The following TECRL variants were observed in gnomAD, a reference collection of about 807,000 sequenced individuals.
TECRL encodes the protein trans-2,3-enoyl-CoA reductase-like.
TECRL carries 63 observed loss-of-function variants against 52.8 expected under a neutral mutation model. The observed-to-expected ratio is 1.19, with a 90% confidence interval of 0.97 to 1.47. TECRL has a LOEUF of 1.47. Ranked by LOEUF, TECRL falls within the 40% of genes most tolerant of loss-of-function variation. TECRL has a pLI of 0.00. For missense variants in TECRL, 482 were observed against 429.6 expected (o/e 1.12, Z -1.08); for synonymous variants, 164 against 141.9 (o/e 1.16, Z -1.10).
At chr4:64,376,144 A>G (rs1263691380) in intron 1 of TECRL, among the ~76,000 whole-genome samples, 2 of 151,894 alleles carry the variant, frequency 1.3e-5, no homozygotes, top group African/African-American at 4.8e-5. Context: ...ATTACATTTG[A>G]TGTTTTATTA....
At chr4:64,334,030 C>CAAAAAAAAAAAAAAAAAAAAA (rs4034910) in intron 2 of TECRL, among the ~76,000 whole-genome samples, 26 of 28,026 alleles carry the variant, frequency 9.3e-4, no homozygotes, top group Non-Finnish European at 1.4e-3. Flanking sequence ...GACTCCGTCT[C>CAAAAAAAAAAAAAAAAAAAAA]AAAAAAAAAA....
In TECRL at chr4:64,393,817, C is replaced by A. The variant is rs1008021873; in HGVS notation, c.234+15301G>T. On this transcript the variant is annotated intron_variant, in intron 1 of 11. Transcript: ENST00000381210. ...TTCAAGAAGGTCAGAGTCCCAGTTA[C>A]GATTACAATATTTTCTCTGAGTCTT... 2.0e-5 allele frequency among the ~76,000 whole-genome samples: 3 copies of A among 151,880 alleles called. No homozygotes were observed. In the East Asian group the frequency reaches 5.8e-4, roughly 29 times the overall value.
chr4:64,384,056 T>A (rs771844942), intron 1 of TECRL, among the ~76,000 whole-genome samples: 1 of 152,144 alleles, frequency 6.6e-6, no homozygotes, highest in Non-Finnish European at 1.5e-5. Context: ...GTGAAGGCTG[T>A]GGTGAGGCTT....
chr4:64,352,869 C>CT (rs1560522143), intron 2 of TECRL, among the ~76,000 whole-genome samples: 1 of 152,086 alleles, frequency 6.6e-6, no homozygotes, highest in Non-Finnish European at 1.5e-5. Context: ...GTTTTGACAA[C>CT]TTTTTTCTAA....
chr4:64,309,443 T>C (rs897957684), intron 6 of TECRL, among the ~76,000 whole-genome samples: 3 of 152,148 alleles, frequency 2.0e-5, no homozygotes, highest in African/African-American at 7.2e-5. Context: ...TATTGACAAC[T>C]GCCATAATAA....
At chr4:64,326,367 G>T (rs1157996389) in intron 3 of TECRL, among the ~76,000 whole-genome samples, 2 of 152,088 alleles carry the variant, frequency 1.3e-5, no homozygotes, top group Admixed American at 1.3e-4. Context: ...CAGATTTATT[G>T]TAAAAATTGC....
Position 64,327,495 on chromosome 4 carries a change from G to A in TECRL, c.331+1017C>T, listed in dbSNP as rs144441507. ...TCCATGTATTGAAAGGCACTTATGT[G>A]CTGACATGTGCTAGGCCCTATGAAG... On this transcript the variant is annotated intron_variant, in intron 3 of 11. Coordinates refer to ENST00000381210, the MANE Select transcript of TECRL (RefSeq NM_001010874.5). Among the ~76,000 whole-genome samples, 273 of 152,138 alleles carry A rather than the reference G, an allele frequency of 1.8e-3. 1 individual carries two copies. The highest frequency in any genetic ancestry group is 6.2e-3 in the African/African-American group (257 of 41,546).
chr4:64,298,544 CTT>C (rs1212035801), intron 8 of TECRL, among the ~76,000 whole-genome samples: 1 of 150,464 alleles, frequency 6.6e-6, no homozygotes, highest in Non-Finnish European at 1.5e-5. Context: ...AAAGAAATGA[CTT>C]ATTAAAAGTT....
chr4:64,391,752 C>T (rs1723563960), intron 1 of TECRL, among the ~76,000 whole-genome samples: 1 of 151,734 alleles, frequency 6.6e-6, no homozygotes, highest in African/African-American at 2.4e-5. Context: ...CTTATGTGAA[C>T]AATAAAACAC....
chr4:64,409,093 C>CAAAT (rs770789434), intron 1 of TECRL, 25 bp downstream of exon 1: 5 of 1,538,622 alleles, frequency 3.2e-6, no homozygotes, highest in South Asian at 2.4e-5. Context: ...AACAAACAAA[C>CAAAT]AAATAAATAA....
intron 2 of TECRL, among the ~76,000 whole-genome samples, chr4:64,342,747 T>G (rs1390916388): frequency 6.6e-6 from 1 of 152,206 alleles, no homozygotes; most frequent in South Asian, 2.1e-4. Flanking sequence ...ATAAATGTAA[T>G]AATATGTCAA....
At chr4:64,311,352 A>C (rs534212857) in intron 5 of TECRL, among the ~76,000 whole-genome samples, 50 of 152,290 alleles carry the variant, frequency 3.3e-4, no homozygotes, top group African/African-American at 1.2e-3. Flanking sequence ...AGCATCATGA[A>C]TGTCTGGGGG....
At chr4:64,338,803 G>A (rs1420058573) in intron 2 of TECRL, among the ~76,000 whole-genome samples, 1 of 152,136 alleles carries the variant, frequency 6.6e-6, no homozygotes, top group Non-Finnish European at 1.5e-5. Flanking sequence ...GAGAGGATGT[G>A]GAGTAATAGG....
At chr4:64,376,002 G>A (rs1469695753) in intron 1 of TECRL, among the ~76,000 whole-genome samples, 1 of 151,574 alleles carries the variant, frequency 6.6e-6, no homozygotes, top group African/African-American at 2.4e-5. Context: ...TACGATACTA[G>A]TGAAATTTAT....
At chr4:64,344,143 A>G (rs966456079) in intron 2 of TECRL, among the ~76,000 whole-genome samples, 2 of 151,642 alleles carry the variant, frequency 1.3e-5, no homozygotes, top group African/African-American at 2.4e-5. Flanking sequence ...GGACAAAATC[A>G]TAGGAAAAAA....
At chr4:64,291,151 A>C (rs1723361115) in intron 8 of TECRL, among the ~76,000 whole-genome samples, 1 of 152,084 alleles carries the variant, frequency 6.6e-6, no homozygotes, top group Non-Finnish European at 1.5e-5. Context: ...TCATTTCTTC[A>C]CCTAAATGCA....
chr4:64,277,083 A>G (rs1205284727), downstream of TECRL: 1 of 1,442,266 alleles, frequency 6.9e-7, no homozygotes, highest in Non-Finnish European at 9.4e-7. Flanking sequence ...AAATTTAAAA[A>G]ACACATTTCA....
chr4:64,345,921 A>AAAAAAAAAAAAAAAAC, intron 2 of TECRL, among the ~76,000 whole-genome samples: 1 of 145,244 alleles, frequency 6.9e-6, no homozygotes, highest in Non-Finnish European at 1.5e-5. Flanking sequence ...AAAAAAAAAA[A>AAAAAAAAAAAAAAAAC]AAAAAAAAAA....
intron 5 of TECRL, among the ~76,000 whole-genome samples, chr4:64,313,148 T>A (rs542556527): frequency 4.6e-5 from 7 of 152,202 alleles, no homozygotes; most frequent in Non-Finnish European, 1.0e-4. Context: ...GTGGCTGGAG[T>A]ACTGTAATTA....
Sources: gnomAD v4.1 joint callset for allele counts (sites outside exome capture counted in the v4.1 genomes callset) on GRCh38, gnomAD v4.1.1 for gene constraint, MANE v1.5 for transcripts, NCBI Gene and HGNC (gene_info 2026-07-23, HGNC 2026-07-21) for gene names.